The following PLA2G1B variants were observed in gnomAD, a reference collection of about 807,000 sequenced individuals.
The protein encoded by PLA2G1B is phospholipase A2 group IB, also known as phospholipase A2.
A neutral mutation model predicts 12.5 loss-of-function variants in PLA2G1B; 12 were observed. That is an observed-to-expected ratio of 0.96 (90% CI 0.62 to 1.56). The LOEUF (loss-of-function observed/expected upper bound fraction) is 1.56, where lower values mean the gene tolerates loss of function less well. Among genes scored for constraint, PLA2G1B ranks in the 40% most tolerant of loss-of-function variants. The pLI is 0.00. For synonymous variants in PLA2G1B, 81 were observed against 73.4 expected (o/e 1.10, Z -0.53); for missense variants, 189 against 186.7 (o/e 1.01, Z -0.07).
chr12:120,325,831 C>T, intron 2 of PLA2G1B, 30 bp downstream of exon 2: 1 of 1,610,698 alleles, frequency 6.2e-7, no homozygotes, highest in East Asian at 2.2e-5. Context: ...CCGGCAGGCA[C>T]TCCAATTTTC....
In PLA2G1B at chr12:120,325,882, G is replaced by A. The variant is rs375553961; in HGVS notation, c.173C>T (p.Thr58Ile). The A allele has an allele frequency of 1.2e-6, 2 of 1,613,874 alleles. No homozygotes were observed. Among genetic ancestry groups the A allele is most frequent in the African/African-American group, 1.3e-5 (1 of 74,892 alleles). ...TTACTTGTCCAGTTCATCCACGGGGGTGCCTGAGCCCCCCAAGCCACAGTA... is the reference window on the plus strand; with the variant it reads ...TTACTTGTCCAGTTCATCCACGGGGATGCCTGAGCCCCCCAAGCCACAGTA... ...GCYCGLGGSG[T>I]PVDELDKCCQ... is the part of the protein sequence containing the mutation. Residue 58 changes from threonine to isoleucine, a missense_variant, in exon 2 of 4, where the codon ACC (threonine) becomes ATC (isoleucine). Thr to Ile is a moderately conservative substitution (Grantham distance 89). Coordinates refer to ENST00000308366, the MANE Select transcript of PLA2G1B (RefSeq NM_000928.3).
At chr12:120,322,631 G>A (rs896052415) in intron 3 of PLA2G1B, among the ~76,000 whole-genome samples, 5 of 152,164 alleles carry the variant, frequency 3.3e-5, no homozygotes, top group African/African-American at 9.7e-5. Flanking sequence ...TTGTCGCCTA[G>A]GCTGGAGTGC....
Position 120,322,142 on chromosome 12 carries a change from A to T in PLA2G1B, c.*51T>A, listed in dbSNP as rs1873246746. 1 of 1,582,400 alleles carries T rather than the reference A, an allele frequency of 6.3e-7. No individual in the cohort carries two copies. The highest frequency in any genetic ancestry group is 1.4e-5 in the African/African-American group (1 of 73,774). ...CTTTCAACAAGGTGCTTTATTGGAGAGTACAGTGTGAGATGAGGCAGATAG... is the reference window on the plus strand; with the variant it reads ...CTTTCAACAAGGTGCTTTATTGGAGTGTACAGTGTGAGATGAGGCAGATAG... On this transcript the variant is annotated 3_prime_UTR_variant, in exon 4 of 4. Transcript: ENST00000308366.
intron 3 of PLA2G1B, among the ~76,000 whole-genome samples, chr12:120,323,468 A>G (rs1346980023): frequency 6.6e-6 from 1 of 151,986 alleles, no homozygotes; most frequent in Non-Finnish European, 1.5e-5. Context: ...GTTTCACCAT[A>G]TTGACCAGGC....
At position 120,322,268 on chromosome 12, in the gene PLA2G1B, A is replaced by C. The variant is rs1873250243; in HGVS notation, c.372T>G (p.Ala124=). 1 of 1,613,934 alleles carries C rather than the reference A, an allele frequency of 6.2e-7. No individual in the cohort carries two copies. Among genetic ancestry groups the C allele is most frequent in the African/African-American group, 1.3e-5 (1 of 74,906 alleles). The change falls in exon 4 of 4, where the codon GCT becomes GCG. Residue 124 remains alanine (A), a synonymous_variant. Transcript: ENST00000308366. ...EAFICNCDRN[A]AICFSKAPYN... is the part of the protein sequence containing the mutation. ...ATGGAGCTTTTGAAAAGCAGATGGC[A>C]GCGTTGCGGTCGCAGTTGCAAATGA...
intron 1 of PLA2G1B, 57 bp from the exon 2 acceptor site, chr12:120,326,077 T>A (rs539196450): frequency 6.3e-7 from 1 of 1,576,504 alleles, no homozygotes; most frequent in African/African-American, 1.3e-5. Flanking sequence ...GGGGACACAC[T>A]GCCTTCCTGC....
intron 2 of PLA2G1B, 139 bp downstream of exon 2, chr12:120,325,722 T>A: frequency 5.0e-6 from 4 of 805,296 alleles, no homozygotes; most frequent in Non-Finnish European, 7.8e-6. Context: ...GGAACATATT[T>A]GTTTATTTGA....
At chr12:120,324,090 T>G (rs1273883987) in intron 3 of PLA2G1B, among the ~76,000 whole-genome samples, 1 of 152,036 alleles carries the variant, frequency 6.6e-6, no homozygotes, top group African/African-American at 2.4e-5. Flanking sequence ...GGCAGGCAGA[T>G]CACTTGAGGT....
chr12:120,324,592 C>G (rs567258944), intron 3 of PLA2G1B, among the ~76,000 whole-genome samples: 12 of 152,226 alleles, frequency 7.9e-5, no homozygotes, highest in Admixed American at 5.2e-4. Context: ...CCCTTGAGCT[C>G]AGGAGGTTGA....
intron 2 of PLA2G1B, among the ~76,000 whole-genome samples, chr12:120,325,539 A>G (rs1482602285): frequency 6.6e-6 from 1 of 152,112 alleles, no homozygotes; most frequent in Non-Finnish European, 1.5e-5. Context: ...ATACAGTAAA[A>G]TCCTGTATTC....
intron 3 of PLA2G1B, among the ~76,000 whole-genome samples, chr12:120,324,292 C>CTA (rs1592908253): frequency 6.6e-6 from 1 of 151,986 alleles, no homozygotes; most frequent in East Asian, 1.9e-4. Flanking sequence ...AAGTGAGACT[C>CTA]TGTCTCAAAA....
chr12:120,325,819 C>T, intron 2 of PLA2G1B, 42 bp downstream of exon 2: 1 of 1,604,622 alleles, frequency 6.2e-7, no homozygotes, highest in Non-Finnish European at 8.5e-7. Flanking sequence ...CCCACCCCGC[C>T]CCCGGCAGGC....
At chr12:120,322,458 A>G (rs1031638229) in intron 3 of PLA2G1B, 141 bp from the exon 4 acceptor site, 8 of 709,510 alleles carry the variant, frequency 1.1e-5, no homozygotes, top group African/African-American at 1.8e-5. Flanking sequence ...GAATACAAGT[A>G]CATCAGGATG....
At position 120,324,986 on chromosome 12, in the gene PLA2G1B, C is replaced by A; in HGVS notation, c.270G>T (p.Pro90=). The change falls in exon 3 of 4, where the codon CCG becomes CCT. Residue 90 remains proline, a synonymous_variant. Coordinates refer to ENST00000308366, the MANE Select transcript of PLA2G1B (RefSeq NM_000928.3). ...ACGAGTATGAATAGGTGTGGGTGTA[C>A]GGGTTGTCCAGCAGAAATTTACAGC... ...LDSCKFLLDN[P]YTHTYSYSCS... 2 of 1,613,938 alleles carry A rather than the reference C, an allele frequency of 1.2e-6. No individual in the cohort carries two copies. Among genetic ancestry groups the A allele is most frequent in the Non-Finnish European group, 8.5e-7 (1 of 1,179,942 alleles).
chr12:120,326,062 A>T (rs1266381829), intron 1 of PLA2G1B, 42 bp from the exon 2 acceptor site: 9 of 1,602,094 alleles, frequency 5.6e-6, no homozygotes, highest in Non-Finnish European at 7.7e-6. Context: ...GTCTGCCAGC[A>T]CCCCGGGGAC....
chr12:120,323,334 C>T (rs760018432), intron 3 of PLA2G1B, among the ~76,000 whole-genome samples: 43 of 151,606 alleles, frequency 2.8e-4, no homozygotes, highest in Admixed American at 4.6e-4. Context: ...GGTGGGATCT[C>T]GGCTCACTGC....
Position 120,324,996 on chromosome 12 carries a change from A to G in PLA2G1B, c.260T>C (p.Leu87Pro), listed in dbSNP as rs1281744680. 1 of 1,614,096 alleles carries G rather than the reference A, an allele frequency of 6.2e-7. No individual in the cohort carries two copies. Among genetic ancestry groups the G allele is most frequent in the Non-Finnish European group, 8.5e-7 (1 of 1,179,984 alleles). ...AKKLDSCKFL[L>P]DNPYTHTYSY... ...ATAGGTGTGGGTGTACGGGTTGTCC[A>G]GCAGAAATTTACAGCTGTCCAGCTT... The change falls in exon 3 of 4, where the codon CTG becomes CCG. Residue 87 changes from leucine (L) to proline (P), a missense_variant. Physicochemically the swap from Leu to Pro is moderately conservative, Grantham distance 98. Coordinates refer to ENST00000308366, the MANE Select transcript of PLA2G1B (RefSeq NM_000928.3).
At chr12:120,327,627 T>A in intron 1 of PLA2G1B, 93 bp downstream of exon 1, 1 of 1,241,962 alleles carries the variant, frequency 8.1e-7, no homozygotes, top group Non-Finnish European at 1.2e-6. Context: ...TGGCCATCCC[T>A]GTTTGCTGTG....
intron 3 of PLA2G1B, 69 bp from the exon 4 acceptor site, chr12:120,322,386 A>C: frequency 7.0e-7 from 1 of 1,437,708 alleles, no homozygotes; most frequent in Non-Finnish European, 9.5e-7. Flanking sequence ...GGGCAAGAAG[A>C]ATTAACTGGA....
Sources: gnomAD v4.1 joint callset for allele counts (sites outside exome capture counted in the v4.1 genomes callset) on GRCh38, gnomAD v4.1.1 for gene constraint, MANE v1.5 for transcripts, NCBI Gene and HGNC (gene_info 2026-07-23, HGNC 2026-07-21) for gene names.